TTC23: variants seen among roughly 807,000 people sequenced by gnomAD.
TTC23 encodes tetratricopeptide repeat domain 23.
TTC23 carries 58 observed loss-of-function variants against 55.1 expected under a neutral mutation model. That is an observed-to-expected ratio of 1.05 (90% confidence interval 0.85 to 1.31). The LOEUF is 1.31. Ranked by LOEUF, TTC23 falls within the 50% of genes most tolerant of loss-of-function variation. The probability of loss-of-function intolerance (pLI) is 0.00; values close to 1 mark genes in which losing one functional copy is unlikely to be tolerated. For synonymous variants in TTC23, 203 were observed against 199.9 expected, an observed-to-expected ratio of 1.02 and a Z score of -0.13; for missense variants, 516 against 534.4, an observed-to-expected ratio of 0.97 and a Z score of 0.34.
intron 12 of TTC23, among the ~76,000 whole-genome samples, chr15:99,145,796 G>A (rs2068789315): frequency 6.6e-6 from 1 of 152,126 alleles, no homozygotes; most frequent in African/African-American, 2.4e-5. Flanking sequence ...TGGTGGGTGG[G>A]TAGGGAGCCT....
At chr15:99,171,469 C>A (rs2072912917) in intron 10 of TTC23, among the ~76,000 whole-genome samples, 1 of 151,826 alleles carries the variant, frequency 6.6e-6, no homozygotes, top group Non-Finnish European at 1.5e-5. Flanking sequence ...GTGGAAGTAC[C>A]AGCACCTGTA....
chr15:99,219,520 C>G (rs369808562), intron 6 of TTC23, among the ~76,000 whole-genome samples: 10 of 152,100 alleles, frequency 6.6e-5, no homozygotes, highest in South Asian at 4.1e-4. Context: ...TAACATAATA[C>G]ATATCTGATA....
intron 9 of TTC23, among the ~76,000 whole-genome samples, chr15:99,177,541 C>A (rs2073706077): frequency 6.6e-6 from 1 of 152,166 alleles, no homozygotes. Flanking sequence ...CCCACACCCT[C>A]CGAAAAAATA....
At chr15:99,189,637 T>C (rs2075053864) in intron 9 of TTC23, among the ~76,000 whole-genome samples, 1 of 152,116 alleles carries the variant, frequency 6.6e-6, no homozygotes, top group South Asian at 2.1e-4. Flanking sequence ...GCATCACTCA[T>C]GAGGAAACAT....
At chr15:99,210,969 T>G (rs911406910) in intron 8 of TTC23, among the ~76,000 whole-genome samples, 8 of 152,184 alleles carry the variant, frequency 5.3e-5, no homozygotes, top group African/African-American at 1.9e-4. Context: ...GGAGAAATCT[T>G]CCCCATCCCC....
At chr15:99,225,270 A>C (rs1428222466) in intron 5 of TTC23, among the ~76,000 whole-genome samples, 1 of 152,184 alleles carries the variant, frequency 6.6e-6, no homozygotes, top group African/African-American at 2.4e-5. Context: ...TCCAACCTTT[A>C]TTCTACCAGT....
intron 5 of TTC23, among the ~76,000 whole-genome samples, chr15:99,223,493 T>C (rs1192816539): frequency 6.6e-6 from 1 of 152,156 alleles, no homozygotes; most frequent in East Asian, 1.9e-4. Context: ...GAGAGGGCTT[T>C]AGAATGAAAT....
At chr15:99,220,696 T>G (rs2077851916) in intron 6 of TTC23, among the ~76,000 whole-genome samples, 1 of 152,188 alleles carries the variant, frequency 6.6e-6, no homozygotes. Flanking sequence ...CATTTGGTGT[T>G]TTCCACTTCT....
chr15:99,151,430 G>C (rs1401704981), intron 12 of TTC23: 1 of 152,302 alleles, frequency 6.6e-6, no homozygotes, highest in African/African-American at 2.4e-5. Flanking sequence ...AAACTCTGGA[G>C]TGTTGCCAGC....
chr15:99,236,497 A>G (rs1296511227), intron 3 of TTC23, among the ~76,000 whole-genome samples: 2 of 140,996 alleles, frequency 1.4e-5, no homozygotes, highest in African/African-American at 5.3e-5. Flanking sequence ...ACAAGGTTTT[A>G]CTCTGTCACC....
chr15:99,219,341 T>A (rs1310502283), intron 6 of TTC23, among the ~76,000 whole-genome samples: 1 of 152,182 alleles, frequency 6.6e-6, no homozygotes, highest in African/African-American at 2.4e-5. Flanking sequence ...ATATGTTACA[T>A]ATAATTATAA....
At chr15:99,209,539 C>T (rs1046983543) in intron 8 of TTC23, among the ~76,000 whole-genome samples, 9 of 152,154 alleles carry the variant, frequency 5.9e-5, no homozygotes, top group Non-Finnish European at 1.3e-4. Flanking sequence ...AGCTTTATCG[C>T]TTCCTGCCTG....
intron 3 of TTC23, among the ~76,000 whole-genome samples, chr15:99,236,603 G>A (rs1217667137): frequency 6.6e-6 from 1 of 151,968 alleles, no homozygotes; most frequent in Non-Finnish European, 1.5e-5. Flanking sequence ...GCCCCGGCTG[G>A]TCTCCAACTC....
At position 99,191,620 on chromosome 15, in the gene TTC23, G is replaced by T. The variant is rs1205581362; in HGVS notation, c.759+8299C>A. 2.0e-5 allele frequency among the ~76,000 whole-genome samples: 3 copies of T among 152,172 alleles called. No homozygotes were observed. The East Asian group carries it at 5.8e-4, about 29-fold the overall frequency. ...CTCCTCCTTGCCTTCTACCATGATT[G>T]TGAGGCTTCCCCAGCCACGTGGAAC... On this transcript the variant is annotated intron_variant, in intron 9 of 13. Coordinates refer to ENST00000394132, the MANE Select transcript of TTC23 (RefSeq NM_001288615.3).
intron 9 of TTC23, among the ~76,000 whole-genome samples, chr15:99,183,353 G>A (rs1276517833): frequency 4.0e-5 from 6 of 148,934 alleles, no homozygotes; most frequent in East Asian, 2.0e-4. Flanking sequence ...ACAGAGTCTC[G>A]CTCTGTCACC....
At chr15:99,217,482 A>T (rs2077568900) in intron 8 of TTC23, among the ~76,000 whole-genome samples, 1 of 152,216 alleles carries the variant, frequency 6.6e-6, no homozygotes, top group African/African-American at 2.4e-5. Context: ...TTAAACACAT[A>T]AATATATAAA....
At chr15:99,142,934 A>G (rs2068415589) in intron 12 of TTC23, among the ~76,000 whole-genome samples, 1 of 152,032 alleles carries the variant, frequency 6.6e-6, no homozygotes, top group South Asian at 2.1e-4. Flanking sequence ...TCCTTACCCT[A>G]CCCCTAGACC....
chr15:99,246,254 A>G (rs1003118364), intron 1 of TTC23, among the ~76,000 whole-genome samples: 6 of 152,262 alleles, frequency 3.9e-5, no homozygotes, highest in African/African-American at 1.4e-4. Context: ...ACAGAATGGG[A>G]GACAATATTT....
intron 8 of TTC23, among the ~76,000 whole-genome samples, chr15:99,204,632 GTTTTTTTTTT>G (rs56890685): frequency 8.2e-5 from 5 of 60,892 alleles, no homozygotes; most frequent in Admixed American, 2.7e-4. Flanking sequence ...TAGATTTAAG[GTTTTTTTTTT>G]TTTTTTTTTT....
Sources: allele counts gnomAD v4.1 joint callset (sites outside exome capture counted in the v4.1 genomes callset), GRCh38; gene constraint gnomAD v4.1.1; transcripts MANE v1.5; gene names NCBI Gene and HGNC (gene_info 2026-07-23, HGNC 2026-07-21).